The following PDE5A variants were observed in gnomAD, a reference collection of about 807,000 sequenced individuals.
PDE5A encodes the protein cGMP-specific 3',5'-cyclic phosphodiesterase.
A neutral mutation model predicts 110.2 loss-of-function variants in PDE5A; 67 were observed. The ratio of observed to expected loss-of-function variants is 0.61; its 90% CI spans 0.50 to 0.75. The LOEUF (loss-of-function observed/expected upper bound fraction) is 0.75, where lower values mean the gene tolerates loss of function less well. Among genes scored for constraint, PDE5A ranks in the 30% least tolerant of loss-of-function variants. The pLI, the probability that PDE5A is intolerant of heterozygous loss-of-function variation, is 0.00. For missense variants in PDE5A, 862 were observed against 1,045.1 expected (o/e 0.82, Z 2.42); for synonymous variants, 328 against 351.2 (o/e 0.93, Z 0.74).
intron 1 of PDE5A, among the ~76,000 whole-genome samples, chr4:119,619,400 C>T (rs1181826371): frequency 3.3e-5 from 5 of 152,236 alleles, no homozygotes; most frequent in Admixed American, 3.3e-4. Flanking sequence ...TGAGTCTTCA[C>T]CCTCTTTCAC....
chr4:119,609,483 G>A (rs1200383696), intron 1 of PDE5A, among the ~76,000 whole-genome samples: 2 of 152,112 alleles, frequency 1.3e-5, no homozygotes, highest in Non-Finnish European at 2.9e-5. Context: ...TTATTTCTGA[G>A]TCTTTACTAA....
intron 14 of PDE5A, chr4:119,516,992 T>C (rs1415917694): frequency 6.6e-6 from 1 of 152,210 alleles, no homozygotes; most frequent in East Asian, 1.9e-4. Context: ...TATATGCCAC[T>C]GGCATACCTG....
At chr4:119,547,124 TTA>T (rs1491297739) in intron 9 of PDE5A, among the ~76,000 whole-genome samples, 7 of 150,872 alleles carry the variant, frequency 4.6e-5, no homozygotes. Context: ...TTTTTTTTTT[TTA>T]AATAACAAAT....
At chr4:119,615,839 C>T (rs2110558990) in intron 1 of PDE5A, among the ~76,000 whole-genome samples, 1 of 152,224 alleles carries the variant, frequency 6.6e-6, no homozygotes. Context: ...TGAAGTCTTT[C>T]AGTTAACTTT....
At chr4:119,622,324 A>C (rs1730178943) in intron 1 of PDE5A, among the ~76,000 whole-genome samples, 1 of 152,216 alleles carries the variant, frequency 6.6e-6, no homozygotes, top group African/African-American at 2.4e-5. Context: ...TATTCAACTA[A>C]AAGTAGAGAA....
At position 119,620,122 on chromosome 4, in the gene PDE5A, C is replaced by T. The variant is rs116673197; in HGVS notation, c.152+8398G>A. 8.1e-3 allele frequency among the ~76,000 whole-genome samples: 1,238 copies of T among 152,254 alleles called. 11 individuals carry two copies. Among genetic ancestry groups the T allele is most frequent in the African/African-American group, 0.028 (1,182 of 41,536 alleles). ...ACAAAAAAGTGTCACCACCAAATGC[C>T]AACATCTTCTTTTGAGAAGCAATGG... On this transcript the variant is annotated intron_variant, in intron 1 of 20. Coordinates refer to ENST00000354960, the MANE Select transcript of PDE5A (RefSeq NM_001083.4).
intron 1 of PDE5A, among the ~76,000 whole-genome samples, chr4:119,615,575 A>G (rs1286439252): frequency 1.3e-5 from 2 of 151,738 alleles, no homozygotes; most frequent in Non-Finnish European, 2.9e-5. Context: ...GCCAAAGCAA[A>G]TACTTCAGAA....
At chr4:119,552,312 C>G in intron 9 of PDE5A, 1 of 268,026 alleles carries the variant, frequency 3.7e-6, no homozygotes, top group Non-Finnish European at 7.0e-6. Flanking sequence ...AATACATCAT[C>G]AATCATTCTT....
rs577742970 is a variant in PDE5A, at chr4:119,627,113, A to T, written c.152+1407T>A. 6 of 1,608,600 alleles carry T rather than the reference A, an allele frequency of 3.7e-6. No individual in the cohort carries two copies. The highest frequency in any genetic ancestry group is 3.4e-5 in the Admixed American group (2 of 59,466). ...CGAGACCCGCCGCGCCCCCGGAAAA[A>T]GTGGGAAGGGACGTAGGGGGATGCT... On this transcript the variant is annotated intron_variant, in intron 1 of 20. Coordinates refer to ENST00000354960, the MANE Select transcript of PDE5A (RefSeq NM_001083.4). The surrounding 1 kb of genome is among the most constrained non-coding windows in gnomAD (Gnocchi z 4.6).
rs751272088 is a variant in PDE5A, at chr4:119,606,880, G to C, written c.570C>G (p.Val190=). The C allele has an allele frequency of 6.2e-7, 1 of 1,614,218 alleles. No homozygotes were observed. Among genetic ancestry groups the C allele is most frequent in the South Asian group, 1.1e-5 (1 of 91,082 alleles). Reference sequence around the variant, plus strand: ...ACTTGTCATTGGAGCTGTCTTCACAGACAAGGAACAGGGAATAGCGGTCAG... The same window carrying C: ...ACTTGTCATTGGAGCTGTCTTCACACACAAGGAACAGGGAATAGCGGTCAG... The part of the protein sequence containing the change: ...ISADRYSLFL[V]CEDSSNDKFL... Residue 190 remains valine, a synonymous_variant, in exon 2 of 21, where the codon GTC becomes GTG. Transcript: ENST00000354960.
intron 2 of PDE5A, among the ~76,000 whole-genome samples, chr4:119,599,712 T>TACACACAC (rs3056797): frequency 0.022 from 3,296 of 147,300 alleles, 54 homozygotes; most frequent in Middle Eastern, 0.045. Context: ...CAAGTGTGTA[T>TACACACAC]ACACACACAC....
intron 3 of PDE5A, among the ~76,000 whole-genome samples, chr4:119,586,456 G>A (rs1242521164): frequency 6.6e-6 from 1 of 152,166 alleles, no homozygotes; most frequent in Non-Finnish European, 1.5e-5. Context: ...ACTTGATAAA[G>A]CACTTTACCT....
intron 3 of PDE5A, among the ~76,000 whole-genome samples, chr4:119,571,709 A>G (rs569754436): frequency 6.6e-6 from 1 of 152,268 alleles, no homozygotes; most frequent in South Asian, 2.1e-4. Context: ...AAACCAATAC[A>G]TTCCATTCAA....
intron 7 of PDE5A, among the ~76,000 whole-genome samples, chr4:119,554,703 T>G (rs1727479968): frequency 6.6e-6 from 1 of 151,860 alleles, no homozygotes; most frequent in Non-Finnish European, 1.5e-5. Flanking sequence ...CGTCTTTGGA[T>G]ACACCCAACT....
At chr4:119,551,429 G>A (rs1312153015) in intron 9 of PDE5A, among the ~76,000 whole-genome samples, 1 of 152,182 alleles carries the variant, frequency 6.6e-6, no homozygotes, top group African/African-American at 2.4e-5. Context: ...GGAAATCAGA[G>A]TCAGAGAATG....
At chr4:119,499,316 G>A (rs1479608172) in intron 20 of PDE5A, among the ~76,000 whole-genome samples, 2 of 151,854 alleles carry the variant, frequency 1.3e-5, no homozygotes, top group African/African-American at 4.8e-5. Context: ...AAAACCTCCC[G>A]CAGAATAAAA....
intron 13 of PDE5A, among the ~76,000 whole-genome samples, chr4:119,520,100 G>C (rs1036639643): frequency 2.0e-5 from 3 of 152,098 alleles, no homozygotes; most frequent in African/African-American, 7.2e-5. Context: ...ACACGTGTTT[G>C]CTAAGGTAGG....
intron 11 of PDE5A, among the ~76,000 whole-genome samples, chr4:119,531,354 C>T (rs1726533705): frequency 6.6e-6 from 1 of 152,170 alleles, no homozygotes; most frequent in African/African-American, 2.4e-5. Flanking sequence ...TCTTGGCTCA[C>T]TGCAACCTCC....
Position 119,552,570 on chromosome 4 carries a change from C to A in PDE5A, c.1376G>T (p.Gly459Val). The change falls in exon 9 of 21, where the codon GGA (glycine) becomes GTA (valine). Residue 459 changes from glycine (G) to valine (V), a missense_variant. By Grantham distance (109) the Gly-to-Val change is moderately radical. Transcript: ENST00000354960. Reference sequence around the variant, plus strand: ...TTTACCTATAACTTTATTCTTCTTTCCATTTTTTATAGGTGTACAAAGCAA... The same window carrying A: ...TTTACCTATAACTTTATTCTTCTTTACATTTTTTATAGGTGTACAAAGCAA... ...RSLLCTPIKN[G>V]KKNKVIGVCQ... 6.6e-7 allele frequency: 1 copy of A among 1,506,272 alleles called. No individual in the cohort carries two copies. The highest frequency in any genetic ancestry group is 2.4e-5 in the East Asian group (1 of 40,956). The allele number at this position is 1,506,272 out of a possible 1,614,324, so 93.3% of individuals were successfully genotyped here.
Sources: allele counts gnomAD v4.1 joint callset (sites outside exome capture counted in the v4.1 genomes callset), GRCh38; gene constraint gnomAD v4.1.1; non-coding constraint Gnocchi (gnomAD v3.1); transcripts MANE v1.5; gene names NCBI Gene and HGNC (gene_info 2026-07-23, HGNC 2026-07-21).